The following PRKCQ variants were observed in gnomAD, a reference collection of about 807,000 sequenced individuals.
PRKCQ encodes protein kinase C theta.
PRKCQ carries 41 observed loss-of-function variants against 91.2 expected under a neutral mutation model. The ratio of observed to expected loss-of-function variants is 0.45; its 90% confidence interval spans 0.35 to 0.58. The LOEUF (loss-of-function observed/expected upper bound fraction) is 0.58, where lower values mean the gene tolerates loss of function less well. Among genes scored for constraint, PRKCQ ranks in the 20% least tolerant of loss-of-function variants. PRKCQ has a pLI of 0.00. For synonymous variants in PRKCQ, 307 were observed against 316.9 expected, an observed-to-expected ratio of 0.97 and a Z score of 0.33; for missense variants, 673 against 896.5, an observed-to-expected ratio of 0.75 and a Z score of 3.18.
At chr10:6,446,725 C>G (rs1834329217) in intron 15 of PRKCQ, among the ~76,000 whole-genome samples, 1 of 152,212 alleles carries the variant, frequency 6.6e-6, no homozygotes, top group African/African-American at 2.4e-5. Context: ...GCCCCTTTCT[C>G]TCTCAGCCCC....
intron 12 of PRKCQ, among the ~76,000 whole-genome samples, chr10:6,468,828 T>G (rs1485433029): frequency 6.6e-6 from 1 of 152,212 alleles, no homozygotes; most frequent in Non-Finnish European, 1.5e-5. Context: ...CAGCGAAGAC[T>G]GTAGTACAAC....
At chr10:6,525,551 G>C (rs1337988069) in intron 1 of PRKCQ, among the ~76,000 whole-genome samples, 1 of 152,194 alleles carries the variant, frequency 6.6e-6, no homozygotes, top group East Asian at 1.9e-4. Context: ...TACGCTTTCA[G>C]TTGTTCAGGC....
At chr10:6,573,439 C>T (rs576324660) in intron 1 of PRKCQ, among the ~76,000 whole-genome samples, 1 of 152,336 alleles carries the variant, frequency 6.6e-6, no homozygotes, top group South Asian at 2.1e-4. Context: ...ACCCGCGATA[C>T]CTTGTCCTCT....
At chr10:6,412,976 A>G in the PRKCQ span, among the ~76,000 whole-genome samples, 148,172 of 152,184 alleles carry the variant, frequency 0.97, 72,239 homozygotes, top group East Asian at 1. Flanking sequence ...TTTTTGAGAC[A>G]GAGTCTCACT....
At chr10:6,548,648 C>G (rs911564703) in intron 1 of PRKCQ, among the ~76,000 whole-genome samples, 7 of 145,602 alleles carry the variant, frequency 4.8e-5, no homozygotes, top group Admixed American at 2.8e-4. Flanking sequence ...AAACCAAACA[C>G]TGCATGTTCT....
In PRKCQ at chr10:6,437,919, C is replaced by T. The variant is rs1833783370; in HGVS notation, c.1836+3974G>A. Among the ~76,000 whole-genome samples, 2 of 152,214 alleles carry T rather than the reference C, an allele frequency of 1.3e-5. 1 individual carries two copies. The highest frequency in any genetic ancestry group is 4.1e-4 in the South Asian group (2 of 4,832). On this transcript the variant is annotated intron_variant, in intron 16 of 17. Transcript: ENST00000263125. ...CCGCCCATCTCGGCCTCCCAAAGTG[C>T]TGGGATTACAGGCGTGAGCCACCGT... is the stretch of plus-strand genomic sequence containing the variant.
chr10:6,568,201 C>T (rs1032427262), intron 1 of PRKCQ, among the ~76,000 whole-genome samples: 3 of 151,660 alleles, frequency 2.0e-5, no homozygotes, highest in African/African-American at 2.4e-5. Flanking sequence ...GGTGACAGAG[C>T]GAGACTCTTG....
downstream of PRKCQ, among the ~76,000 whole-genome samples, chr10:6,426,478 G>A (rs1833125729): frequency 6.6e-6 from 1 of 152,186 alleles, no homozygotes; most frequent in Non-Finnish European, 1.5e-5. Flanking sequence ...GAGGACAAGT[G>A]TCGCCTTCTC....
chr10:6,539,175 T>C (rs539789993), intron 1 of PRKCQ, among the ~76,000 whole-genome samples: 2 of 152,324 alleles, frequency 1.3e-5, no homozygotes, highest in South Asian at 4.1e-4. Context: ...GCCCTAACAT[T>C]CTGCCTCACT....
chr10:6,491,868 G>A (rs1481994770), intron 7 of PRKCQ, 56 bp from the exon 8 acceptor site: 8 of 1,606,380 alleles, frequency 5.0e-6, no homozygotes, highest in Non-Finnish European at 6.0e-6. Context: ...GACTTTGGAT[G>A]TTCTTGCAGA....
intron 9 of PRKCQ, 107 bp downstream of exon 9, chr10:6,485,928 A>G: frequency 2.1e-6 from 2 of 945,842 alleles, no homozygotes; most frequent in African/African-American, 1.6e-5. Flanking sequence ...GCTCAGAAAT[A>G]CATCCCGGCA....
At chr10:6,578,645 G>T (rs1052677577) in intron 1 of PRKCQ, among the ~76,000 whole-genome samples, 3 of 152,214 alleles carry the variant, frequency 2.0e-5, no homozygotes, top group Non-Finnish European at 4.4e-5. Context: ...TCAGCAGGAG[G>T]AAGGGACTAA....
intron 12 of PRKCQ, among the ~76,000 whole-genome samples, chr10:6,467,149 CA>C (rs1203612919): frequency 1.3e-5 from 2 of 152,044 alleles, no homozygotes; most frequent in Admixed American, 6.6e-5. Context: ...AAAACCAATC[CA>C]AAAACCAGCA....
At chr10:6,544,902 G>A (rs778905452) in intron 1 of PRKCQ, among the ~76,000 whole-genome samples, 7 of 151,900 alleles carry the variant, frequency 4.6e-5, no homozygotes, top group Non-Finnish European at 1.0e-4. Context: ...TTACAGGCGT[G>A]AGCCACTGCG....
At chr10:6,562,492 GTGAGTGTTC>G (rs1164462981) in intron 1 of PRKCQ, among the ~76,000 whole-genome samples, 1 of 152,196 alleles carries the variant, frequency 6.6e-6, no homozygotes, top group Non-Finnish European at 1.5e-5. Context: ...CTCAACCAGA[GTGAGTGTTC>G]TCTCCATTAC....
chr10:6,437,359 C>G (rs1262604398), intron 16 of PRKCQ, among the ~76,000 whole-genome samples: 1 of 152,148 alleles, frequency 6.6e-6, no homozygotes, highest in Non-Finnish European at 1.5e-5. Context: ...AAGGACACAA[C>G]AAGAAGGCAG....
At position 6,430,830 on chromosome 10, in the gene PRKCQ, G is replaced by A. The variant is rs142951028; in HGVS notation, c.1945C>T (p.Pro649Ser). The change falls in exon 17 of 18, where the codon CCA (proline) becomes TCA (serine). Residue 649 changes from proline to serine, a missense_variant. Coordinates refer to ENST00000263125, the MANE Select transcript of PRKCQ (RefSeq NM_006257.5). This position sits in a 1 kb window ranked among gnomAD's most constrained non-coding sequence, Gnocchi z 4.7. Reference sequence around the variant, plus strand: ...CTTACCACTTTCGGCCGGAACGGTGGGTCAATCTCCTTCCGTTCAAGTTCC... The same window carrying A: ...CTTACCACTTTCGGCCGGAACGGTGAGTCAATCTCCTTCCGTTCAAGTTCC... ...WEELERKEID[P>S]PFRPKVKSPF... is the part of the protein sequence containing the mutation. The A allele has an allele frequency of 1.9e-6, 3 of 1,613,992 alleles. No individual in the cohort carries two copies. Among genetic ancestry groups the A allele is most frequent in the African/African-American group, 1.3e-5 (1 of 74,908 alleles).
chr10:6,497,289 C>G lies in PRKCQ; in HGVS notation c.543-38G>C, dbSNP rs1344938969. The G allele has an allele frequency of 2.5e-6, 4 of 1,612,488 alleles. No homozygotes were observed. The Admixed American group carries it at 6.7e-5, about 27-fold the overall frequency. ...ACACGCTGATTTATTTCAATGTTGG[C>G]ATCAACATCAGCACCAACAGCATTT... On this transcript the variant is annotated intron_variant, in intron 5 of 17. Transcript: ENST00000263125. The surrounding 1 kb of genome is among the most constrained non-coding windows in gnomAD (Gnocchi z 4.5).
intron 15 of PRKCQ, among the ~76,000 whole-genome samples, chr10:6,445,865 C>T (rs1274776340): frequency 6.6e-6 from 1 of 152,218 alleles, no homozygotes; most frequent in African/African-American, 2.4e-5. Flanking sequence ...CGAGACTTGC[C>T]CACAAGGCGG....
Sources: gnomAD v4.1 joint callset for allele counts (sites outside exome capture counted in the v4.1 genomes callset) on GRCh38, gnomAD v4.1.1 for gene constraint, Gnocchi (gnomAD v3.1) non-coding constraint, MANE v1.5 for transcripts, NCBI Gene and HGNC (gene_info 2026-07-23, HGNC 2026-07-21) for gene names.